UMODL1: variants seen among roughly 807,000 people sequenced by gnomAD.
The protein encoded by UMODL1 is uromodulin like 1.
In UMODL1, 128 loss-of-function variants were observed where a neutral mutation model predicts 136.3. That is an observed-to-expected ratio of 0.94 (90% confidence interval 0.81 to 1.09). The LOEUF (loss-of-function observed/expected upper bound fraction) is 1.09. Ranked by LOEUF, UMODL1 falls within the 50% of genes least tolerant of loss-of-function variation. UMODL1 has a pLI of 0.00. For missense variants in UMODL1, 1,766 were observed against 1,725.6 expected (o/e 1.02, Z -0.41); for synonymous variants, 721 against 720.0 (o/e 1.00, Z -0.02).
At chr21:42,107,137 G>T (rs1297531787) in intron 9 of UMODL1, among the ~76,000 whole-genome samples, 1 of 152,106 alleles carries the variant, frequency 6.6e-6, no homozygotes, top group Admixed American at 6.6e-5. Context: ...TAACAGCACG[G>T]CCCCTATTCC....
In UMODL1 at chr21:42,140,750, C is replaced by T. The variant is rs989774237; in HGVS notation, c.*22-1346C>T. ...CCTTCCCAGGACCCCTGAGCCTCCC[C>T]GGGAGGCAGGTGCTGCTGCTCAATT... On this transcript the variant is annotated intron_variant, in intron 22 of 22. Coordinates refer to ENST00000408910, the MANE Select transcript of UMODL1 (RefSeq NM_001004416.3). Among the ~76,000 whole-genome samples the T allele has an allele frequency of 9.2e-5, 14 of 152,260 alleles. No individual in the cohort carries two copies. In the East Asian group the frequency reaches 1.2e-3, roughly 13 times the overall value.
rs774606311 is a variant in UMODL1, at chr21:42,119,192, G to A, written c.2557G>A (p.Gly853Ser). The A allele has an allele frequency of 8.7e-6, 14 of 1,614,082 alleles. No individual in the cohort carries two copies. Among genetic ancestry groups the A allele is most frequent in the Admixed American group, 3.3e-5 (2 of 60,012 alleles). Residue 853 changes from glycine (G) to serine (S), a missense_variant, in exon 15 of 23, where the codon GGC becomes AGC. By Grantham distance (56) the Gly-to-Ser change is moderately conservative. Transcript: ENST00000408910. Reference sequence around the variant, plus strand: ...GATGGAAGTCGTCAGCGTCACCAACGGCAGCATCGTGGTGGAGTTTCACTT... The same window carrying A: ...GATGGAAGTCGTCAGCGTCACCAACAGCAGCATCGTGGTGGAGTTTCACTT... ...VRMEVVSVTN[G>S]SIVVEFHLLI...
rs1035584573 is a variant in UMODL1, at chr21:42,099,994, G to A, written c.1186+814G>A. Among the ~76,000 whole-genome samples, 14 of 152,222 alleles carry A rather than the reference G, an allele frequency of 9.2e-5. No individual in the cohort carries two copies. The highest frequency in any genetic ancestry group is 2.6e-4 in the Admixed American group (4 of 15,290). ...ACTTGGGGCTTGTGTCAGGAAGGCA[G>A]CCGGTGTGGCCCATCTGGGTCTGTC... On this transcript the variant is annotated intron_variant, in intron 7 of 22. Coordinates refer to ENST00000408910, the MANE Select transcript of UMODL1 (RefSeq NM_001004416.3). This position sits in a 1 kb window ranked among gnomAD's most constrained non-coding sequence, Gnocchi z 4.1.
chr21:42,079,157 G>T (rs1349058656), intron 2 of UMODL1, among the ~76,000 whole-genome samples: 1 of 152,152 alleles, frequency 6.6e-6, no homozygotes, highest in East Asian at 1.9e-4. Flanking sequence ...CTGATCAGCA[G>T]CCCCTTCCTG....
At chr21:42,076,272 G>T (rs220286) in intron 2 of UMODL1, 25 bp downstream of exon 2, 1,000,906 of 1,610,972 alleles carry the variant, frequency 0.62, 320,307 homozygotes, top group Non-Finnish European at 0.67. Flanking sequence ...GCTGGGCTGG[G>T]GCGGGGCCAC....
rs143136691 is a variant in UMODL1, at chr21:42,120,938, A to G, written c.2690-149A>G. 3.8e-4 allele frequency: 378 copies of G among 981,948 alleles called. 2 individuals carry two copies. In the East Asian group the frequency reaches 9.3e-3, roughly 24 times the overall value. 60.8% of individuals were successfully genotyped at this position (981,948 alleles called of 1,614,324 possible). A position where few individuals can be genotyped will look rare whatever the true frequency, so the allele number is the denominator to read the frequency against. ...GCCCCAGCTTCAGGAAGCCTCCTGT[A>G]CTTTCCAGAACTGGTGAGCTTGACT... On this transcript the variant is annotated intron_variant, in intron 15 of 22. Transcript: ENST00000408910.
At chr21:42,104,863 G>C (rs2066693300) in intron 9 of UMODL1, among the ~76,000 whole-genome samples, 1 of 152,220 alleles carries the variant, frequency 6.6e-6, no homozygotes, top group Admixed American at 6.5e-5. Flanking sequence ...TAAAGAGAGA[G>C]ACAGAAAGGC....
intron 10 of UMODL1, among the ~76,000 whole-genome samples, chr21:42,110,294 C>G (rs115916810): frequency 1.3e-5 from 2 of 152,226 alleles, no homozygotes; most frequent in African/African-American, 2.4e-5. Flanking sequence ...AATGTCGGCC[C>G]GGACACAGGC....
rs137988177 is a variant in UMODL1 at position 42,065,361 on chromosome 21, T to C, written c.-141+2147T>C. 4.0e-3 allele frequency among the ~76,000 whole-genome samples: 606 copies of C among 152,310 alleles called. 12 individuals are homozygous for C. The highest frequency in any genetic ancestry group is 0.035 in the Admixed American group (532 of 15,286). Reference sequence around the variant, plus strand: ...TTCAAAGCCACATGATGATATCCATTACTGGGTGCAGAATGGCCCTGATGG... The same window carrying C: ...TTCAAAGCCACATGATGATATCCATCACTGGGTGCAGAATGGCCCTGATGG... On this transcript the variant is annotated intron_variant, in intron 1 of 22. Coordinates refer to the UMODL1 transcript ENST00000400424.
chr21:42,084,438 G>A (rs9982856), intron 3 of UMODL1, among the ~76,000 whole-genome samples, 193 bp downstream of exon 3: 15,861 of 152,142 alleles, frequency 0.1, 1,980 homozygotes, highest in African/African-American at 0.3. Flanking sequence ...CTGAACTCTC[G>A]GGGGAGAAAT....
intron 2 of UMODL1, among the ~76,000 whole-genome samples, chr21:42,080,361 C>G (rs1050989433): frequency 6.6e-6 from 1 of 152,178 alleles, no homozygotes; most frequent in African/African-American, 2.4e-5. Flanking sequence ...TCCTCTGTGG[C>G]GGGGCCTCCA....
At chr21:42,102,315 T>C (rs374641030) in intron 8 of UMODL1, 37 bp downstream of exon 8, 8 of 1,471,970 alleles carry the variant, frequency 5.4e-6, no homozygotes, top group Non-Finnish European at 7.6e-6. Flanking sequence ...TTTTCTTGGG[T>C]GTTCTGAGTG....
chr21:42,118,177 GC>G (rs1404339905), intron 14 of UMODL1, among the ~76,000 whole-genome samples: 1 of 152,218 alleles, frequency 6.6e-6, no homozygotes. Flanking sequence ...CCAAGACTAT[GC>G]CAGATTCCTC....
At chr21:42,101,054 T>TC (rs2066624884) in intron 7 of UMODL1, among the ~76,000 whole-genome samples, 1 of 150,906 alleles carries the variant, frequency 6.6e-6, no homozygotes, top group Admixed American at 6.6e-5. Context: ...CTATTCCACT[T>TC]CCCAGCCTTG....
rs1394613566 is a variant in UMODL1, at chr21:42,126,986, C to A, written c.3294-20C>A. Reference sequence around the variant, plus strand: ...TGCGCCTCCTGAAACATGCCTCCTGCAAGCTGCTTCCTCTTGCAGGGTTTA... The same window carrying A: ...TGCGCCTCCTGAAACATGCCTCCTGAAAGCTGCTTCCTCTTGCAGGGTTTA... On this transcript the variant is annotated intron_variant, in intron 18 of 22. Transcript: ENST00000408910. 12 of 1,604,826 alleles carry A rather than the reference C, an allele frequency of 7.5e-6. No homozygotes were observed. The highest frequency in any genetic ancestry group is 9.4e-6 in the Non-Finnish European group (11 of 1,171,610).
chr21:42,106,883 G>A lies in UMODL1; in HGVS notation c.1520-2679G>A, dbSNP rs111676861. Among the ~76,000 whole-genome samples the A allele has an allele frequency of 4.3e-3, 654 of 152,306 alleles. 8 individuals are homozygous for A. The highest frequency in any genetic ancestry group is 0.015 in the African/African-American group (618 of 41,548). On this transcript the variant is annotated intron_variant, in intron 9 of 22. Coordinates refer to ENST00000408910, the MANE Select transcript of UMODL1 (RefSeq NM_001004416.3). ...TTACAGCAACATCCCACCTCCTATGGCGATGGAGTAAATTAAGGCACAATG... is the reference window on the plus strand; with the variant it reads ...TTACAGCAACATCCCACCTCCTATGACGATGGAGTAAATTAAGGCACAATG...
At chr21:42,064,483 T>A (rs960139796) in intron 1 of UMODL1, among the ~76,000 whole-genome samples, 7 of 152,228 alleles carry the variant, frequency 4.6e-5, no homozygotes, top group African/African-American at 1.7e-4. Context: ...ACCTTGCAGG[T>A]GGTGGTGGAC....
At position 42,119,994 on chromosome 21, in the gene UMODL1, A is replaced by G. The variant is rs565800743; in HGVS notation, c.2689+670A>G. Among the ~76,000 whole-genome samples the G allele has an allele frequency of 3.3e-5, 5 of 152,356 alleles. No homozygotes were observed. In the South Asian group the frequency reaches 8.3e-4, roughly 25 times the overall value. On this transcript the variant is annotated intron_variant, in intron 15 of 22. Coordinates refer to ENST00000408910, the MANE Select transcript of UMODL1 (RefSeq NM_001004416.3). ...GGTGAAGTGTTAGTATCCCAAATAT[A>G]TAGAGAGATCATACAAATAGATAAA...
rs1025655951 is a variant in UMODL1, at chr21:42,099,298, C to T, written c.1186+118C>T. On this transcript the variant is annotated intron_variant, in intron 7 of 22. Coordinates refer to ENST00000408910, the MANE Select transcript of UMODL1 (RefSeq NM_001004416.3). This position sits in a 1 kb window ranked among gnomAD's most constrained non-coding sequence, Gnocchi z 4.1. ...AACCAGGGCACCAGAAGTCACTGAC[C>T]GCCCTGCACTTCCTCCCTCCCCTCC... The T allele has an allele frequency of 7.2e-5, 100 of 1,394,546 alleles. No individual in the cohort carries two copies. The highest frequency in any genetic ancestry group is 8.9e-5 in the Non-Finnish European group (93 of 1,049,004). The allele number at this position is 1,394,546 out of a possible 1,614,324, so 86.4% of individuals were successfully genotyped here.
Sources: gnomAD v4.1 joint callset for allele counts (sites outside exome capture counted in the v4.1 genomes callset) on GRCh38, gnomAD v4.1.1 for gene constraint, Gnocchi (gnomAD v3.1) non-coding constraint, MANE v1.5 for transcripts, NCBI Gene and HGNC (gene_info 2026-07-23, HGNC 2026-07-21) for gene names.